The following PTPRT variants were observed in gnomAD, a reference collection of about 807,000 sequenced individuals.
PTPRT encodes receptor-type tyrosine-protein phosphatase T.
Under a neutral mutation model 176.8 loss-of-function variants are expected in PTPRT, and 56 were observed. The observed-to-expected ratio is 0.32, with a 90% CI of 0.26 to 0.40. The LOEUF (loss-of-function observed/expected upper bound fraction) is 0.40, where lower values mean the gene tolerates loss of function less well. Ranked by LOEUF, PTPRT falls within the 10% of genes least tolerant of loss-of-function variation. PTPRT has a pLI of 1.00. For missense variants in PTPRT, 1,540 were observed against 1,908.2 expected, an observed-to-expected ratio of 0.81 and a Z score of 3.60; for synonymous variants, 783 against 739.0, an observed-to-expected ratio of 1.06 and a Z score of -0.96.
intron 9 of PTPRT, among the ~76,000 whole-genome samples, chr20:42,375,899 T>C (rs890369746): frequency 1.3e-5 from 2 of 152,180 alleles, no homozygotes; most frequent in Admixed American, 1.3e-4. Context: ...CTCAGAACAT[T>C]AGTGTTCAAC....
intron 7 of PTPRT, among the ~76,000 whole-genome samples, chr20:42,606,281 C>T (rs1272326239): frequency 6.6e-6 from 1 of 152,136 alleles, no homozygotes; most frequent in Non-Finnish European, 1.5e-5. Flanking sequence ...CACACAGGCA[C>T]CTACCAAGGC....
chr20:42,897,017 T>C (rs1032854877), intron 1 of PTPRT, among the ~76,000 whole-genome samples: 4 of 152,140 alleles, frequency 2.6e-5, no homozygotes, highest in Non-Finnish European at 5.9e-5. Flanking sequence ...TGCACAAATA[T>C]GGTAAGAAGG....
At chr20:42,142,151 T>A in intron 17 of PTPRT, 149 bp from the exon 18 acceptor site, 2 of 676,162 alleles carry the variant, frequency 3.0e-6, no homozygotes, top group Non-Finnish European at 5.2e-6. Flanking sequence ...GGGGAGGACA[T>A]AGATTTTGTC....
intron 6 of PTPRT, among the ~76,000 whole-genome samples, chr20:42,744,503 G>T (rs1218836436): frequency 6.6e-6 from 1 of 152,218 alleles, no homozygotes; most frequent in Non-Finnish European, 1.5e-5. Context: ...CTGTTTTCAG[G>T]TAGGCTAGAA....
chr20:42,155,365 G>C (rs1314307442), intron 17 of PTPRT, among the ~76,000 whole-genome samples: 1 of 152,208 alleles, frequency 6.6e-6, no homozygotes, highest in East Asian at 1.9e-4. Context: ...TAGAACTTGA[G>C]ACATAACCAT....
chr20:42,271,627 T>C (rs1238215829), intron 13 of PTPRT, among the ~76,000 whole-genome samples: 2 of 152,206 alleles, frequency 1.3e-5, no homozygotes, highest in African/African-American at 2.4e-5. Context: ...TGAAGAAATG[T>C]TGAATCATAG....
At position 42,085,867 on chromosome 20, in the gene PTPRT, A is replaced by G; in HGVS notation, c.3847-14T>C. Reference sequence around the variant, plus strand: ...CTGCATACAGAACTGAGATAAGGAAAGAGGTCACAGAAGGAGCTCAAAGGC... The same window carrying G: ...CTGCATACAGAACTGAGATAAGGAAGGAGGTCACAGAAGGAGCTCAAAGGC... On this transcript the variant is annotated splice_polypyrimidine_tract_variant and intron_variant, in intron 27 of 30. Transcript: ENST00000373187. 1.2e-6 allele frequency: 2 copies of G among 1,606,588 alleles called. No homozygotes were observed. Among genetic ancestry groups the G allele is most frequent in the Non-Finnish European group, 1.7e-6 (2 of 1,173,694 alleles).
chr20:42,756,588 G>A lies in PTPRT; in HGVS notation c.733C>T (p.His245Tyr), dbSNP rs369855681. The A allele has an allele frequency of 7.0e-5, 113 of 1,611,398 alleles. No individual in the cohort carries two copies. Among genetic ancestry groups the A allele is most frequent in the Non-Finnish European group, 9.1e-5 (107 of 1,178,318 alleles). ...CTGACTGTGGCTGAGAAGCGCCTGT[G>A]GTTGACCACACGGGTGACCATCAGG... ...TALMVTRVVN[H>Y]RRFSATVSVA... Residue 245 changes from histidine (H) to tyrosine (Y), a missense_variant, in exon 6 of 31, where the codon CAC (histidine) becomes TAC (tyrosine). Physicochemically the swap from His to Tyr is moderately conservative, Grantham distance 83. Transcript: ENST00000373187.
intron 26 of PTPRT, among the ~76,000 whole-genome samples, chr20:42,100,208 C>T (rs1473622662): frequency 2.0e-5 from 3 of 152,330 alleles, no homozygotes; most frequent in East Asian, 1.9e-4. Context: ...GTGATAAACG[C>T]TCTATTAGGC....
At chr20:42,954,174 A>G (rs544424024) in intron 1 of PTPRT, among the ~76,000 whole-genome samples, 1 of 152,294 alleles carries the variant, frequency 6.6e-6, no homozygotes, top group East Asian at 1.9e-4. Context: ...CTAACTCAGT[A>G]GATCCAACTC....
intron 1 of PTPRT, among the ~76,000 whole-genome samples, chr20:43,048,861 T>TCACC (rs1986939531): frequency 6.6e-6 from 1 of 152,010 alleles, no homozygotes; most frequent in Admixed American, 6.6e-5. Flanking sequence ...CCAACAGCAG[T>TCACC]CTTCCTGCAA....
intron 6 of PTPRT, among the ~76,000 whole-genome samples, chr20:42,693,038 T>A (rs1346495685): frequency 6.6e-6 from 1 of 152,214 alleles, no homozygotes; most frequent in Non-Finnish European, 1.5e-5. Context: ...ACGCACTTTA[T>A]GTCCTTTACT....
At chr20:42,583,254 C>T (rs1250631671) in intron 7 of PTPRT, among the ~76,000 whole-genome samples, 1 of 152,170 alleles carries the variant, frequency 6.6e-6, no homozygotes, top group African/African-American at 2.4e-5. Flanking sequence ...TTTTAAAAAT[C>T]AAACGCATAC....
intron 1 of PTPRT, among the ~76,000 whole-genome samples, chr20:42,889,895 T>C (rs1441538745): frequency 2.0e-5 from 3 of 152,178 alleles, no homozygotes; most frequent in African/African-American, 7.2e-5. Context: ...GTTACATATA[T>C]AGCTCTGAGC....
chr20:42,391,183 T>C (rs1216241896), intron 9 of PTPRT, among the ~76,000 whole-genome samples: 1 of 152,142 alleles, frequency 6.6e-6, no homozygotes, highest in African/African-American at 2.4e-5. Flanking sequence ...AAATGTCCTT[T>C]TCATTGTGAG....
At chr20:42,796,274 C>A (rs929570928) in intron 2 of PTPRT, among the ~76,000 whole-genome samples, 1 of 152,210 alleles carries the variant, frequency 6.6e-6, no homozygotes, top group Non-Finnish European at 1.5e-5. Context: ...AGCCACATTT[C>A]AAGTGCCCAG....
intron 17 of PTPRT, among the ~76,000 whole-genome samples, chr20:42,149,282 C>T (rs536962399): frequency 6.6e-6 from 1 of 152,274 alleles, no homozygotes; most frequent in African/African-American, 2.4e-5. Flanking sequence ...GAAAGGGAGG[C>T]TCTCCAGAGC....
chr20:42,641,281 T>C (rs544782269), intron 7 of PTPRT, among the ~76,000 whole-genome samples: 1 of 152,304 alleles, frequency 6.6e-6, no homozygotes, highest in South Asian at 2.1e-4. Context: ...TCACTAGCGA[T>C]GTGTGAGAGG....
At chr20:42,841,478 C>T (rs2078275999) in intron 2 of PTPRT, among the ~76,000 whole-genome samples, 2 of 152,114 alleles carry the variant, frequency 1.3e-5, no homozygotes, top group Non-Finnish European at 2.9e-5. Flanking sequence ...TCTGGGGCAA[C>T]ATTCTGGGCT....
Sources: allele counts gnomAD v4.1 joint callset (sites outside exome capture counted in the v4.1 genomes callset), GRCh38; gene constraint gnomAD v4.1.1; transcripts MANE v1.5; gene names NCBI Gene and HGNC (gene_info 2026-07-23, HGNC 2026-07-21).